Variants in ATG10 observed in about 807,000 individuals in gnomAD.
The protein encoded by ATG10 is ubiquitin-like-conjugating enzyme ATG10.
In ATG10, 30 loss-of-function variants were observed where a neutral mutation model predicts 32.1. The ratio of observed to expected loss-of-function variants is 0.94; its 90% CI spans 0.70 to 1.27. The LOEUF is 1.27. Ranked by LOEUF, ATG10 falls within the 50% of genes most tolerant of loss-of-function variation. The pLI, the probability that ATG10 is intolerant of heterozygous loss-of-function variation, is 0.00. For synonymous variants in ATG10, 87 were observed against 91.5 expected, an observed-to-expected ratio of 0.95 and a Z score of 0.28; for missense variants, 233 against 262.3, an observed-to-expected ratio of 0.89 and a Z score of 0.77.
At chr5:82,136,727 C>G (rs545266121) in intron 3 of ATG10, among the ~76,000 whole-genome samples, 8 of 152,060 alleles carry the variant, frequency 5.3e-5, no homozygotes, top group Non-Finnish European at 1.2e-4. Flanking sequence ...TTGTGATATT[C>G]TCTGAATTTT....
chr5:82,217,481 T>C (rs1363134554), intron 5 of ATG10, among the ~76,000 whole-genome samples: 1 of 152,164 alleles, frequency 6.6e-6, no homozygotes, highest in African/African-American at 2.4e-5. Flanking sequence ...AATGCAATCT[T>C]ATCCCTTATA....
chr5:82,135,437 A>C (rs1029159727), intron 3 of ATG10, among the ~76,000 whole-genome samples: 10 of 152,066 alleles, frequency 6.6e-5, no homozygotes, highest in African/African-American at 2.4e-4. Flanking sequence ...CTTTGTTCTC[A>C]TTGGTTTCAA....
intron 1 of ATG10, among the ~76,000 whole-genome samples, chr5:81,982,221 G>GC (rs2149657843): frequency 6.6e-6 from 1 of 152,266 alleles, no homozygotes; most frequent in African/African-American, 2.4e-5. Context: ...ACTTTGGGAG[G>GC]CCGAGGTGGG....
At chr5:82,209,975 A>G (rs1745435829) in intron 5 of ATG10, among the ~76,000 whole-genome samples, 1 of 152,212 alleles carries the variant, frequency 6.6e-6, no homozygotes. Context: ...ATTGAATTCT[A>G]AATTTGAGAT....
intron 3 of ATG10, among the ~76,000 whole-genome samples, chr5:82,100,266 C>G (rs1381909410): frequency 6.6e-6 from 1 of 152,016 alleles, no homozygotes; most frequent in Non-Finnish European, 1.5e-5. Flanking sequence ...CTCGGCCTCC[C>G]AAAGTGCTGG....
chr5:82,169,997 T>C (rs1743739801), intron 4 of ATG10, among the ~76,000 whole-genome samples: 1 of 152,038 alleles, frequency 6.6e-6, no homozygotes. Context: ...GTTTTGAAAA[T>C]GTACTAAAGG....
chr5:82,174,468 G>T (rs987919447), intron 4 of ATG10, among the ~76,000 whole-genome samples: 4 of 152,222 alleles, frequency 2.6e-5, no homozygotes, highest in Non-Finnish European at 5.9e-5. Flanking sequence ...CTTGTGGCTA[G>T]AAGTTGGAAG....
chr5:82,079,889 G>T (rs60949386), intron 3 of ATG10, among the ~76,000 whole-genome samples: 6,452 of 152,260 alleles, frequency 0.042, 142 homozygotes, highest in Middle Eastern at 0.058. Context: ...CCAGTAATGG[G>T]ATAGCTGGGT....
At chr5:81,974,177 T>G (rs1235863142) in intron 1 of ATG10, among the ~76,000 whole-genome samples, 1 of 152,148 alleles carries the variant, frequency 6.6e-6, no homozygotes, top group East Asian at 1.9e-4. Context: ...CAGGAGGTTG[T>G]GTTTGAATCA....
intron 3 of ATG10, among the ~76,000 whole-genome samples, 162 bp downstream of exon 3, chr5:82,058,764 A>G (rs1451609449): frequency 6.6e-6 from 1 of 152,214 alleles, no homozygotes; most frequent in Admixed American, 6.5e-5. Flanking sequence ...TAAATATTTT[A>G]AAAACTTCAA....
chr5:82,187,559 A>G (rs548764058), intron 5 of ATG10, among the ~76,000 whole-genome samples: 6 of 149,414 alleles, frequency 4.0e-5, no homozygotes, highest in Non-Finnish European at 7.4e-5. Flanking sequence ...CTTTCTCACT[A>G]TCTTTCACTA....
Position 82,058,101 on chromosome 5 carries a change from T to C in ATG10, c.109-394T>C, listed in dbSNP as rs76343453. ...TGAGAAAGAAATTGAAATGGAAGCTTTCTTGCAGCTTCAAGATCTATTTCA... is the reference window on the plus strand; with the variant it reads ...TGAGAAAGAAATTGAAATGGAAGCTCTCTTGCAGCTTCAAGATCTATTTCA... On this transcript the variant is annotated intron_variant, in intron 2 of 7. Coordinates refer to ENST00000282185, the MANE Select transcript of ATG10 (RefSeq NM_031482.5). 3.9e-3 allele frequency among the ~76,000 whole-genome samples: 596 copies of C among 152,318 alleles called. 1 individual carries two copies. The highest frequency in any genetic ancestry group is 6.8e-3 in the Middle Eastern group (2 of 294).
At chr5:82,078,385 AGTG>A (rs1581665578) in intron 3 of ATG10, 4 of 152,192 alleles carry the variant, frequency 2.6e-5, no homozygotes, top group African/African-American at 9.7e-5. Context: ...CTATAGGAAA[AGTG>A]GGGAAAGCTT....
At chr5:82,127,304 T>C (rs1766318579) in intron 3 of ATG10, among the ~76,000 whole-genome samples, 1 of 152,134 alleles carries the variant, frequency 6.6e-6, no homozygotes, top group East Asian at 1.9e-4. Context: ...CTGATCTTAG[T>C]TATTTCTTGT....
intron 3 of ATG10, among the ~76,000 whole-genome samples, chr5:82,124,777 A>G (rs1381349609): frequency 1.3e-5 from 2 of 152,096 alleles, no homozygotes; most frequent in Non-Finnish European, 2.9e-5. Context: ...TTATAGTAGC[A>G]TGATTTATAA....
intron 2 of ATG10, among the ~76,000 whole-genome samples, chr5:82,004,890 A>G (rs1277490741): frequency 6.6e-6 from 1 of 152,236 alleles, no homozygotes. Flanking sequence ...ATTAATTCTC[A>G]AAATGGCACC....
intron 3 of ATG10, among the ~76,000 whole-genome samples, chr5:82,143,241 CT>C (rs1767221557): frequency 6.6e-6 from 1 of 152,226 alleles, no homozygotes. Context: ...TTATCAGGGC[CT>C]TCCTTGTGAG....
At chr5:82,203,534 C>T (rs1002081708) in intron 5 of ATG10, among the ~76,000 whole-genome samples, 6 of 152,078 alleles carry the variant, frequency 3.9e-5, no homozygotes, top group African/African-American at 1.4e-4. Flanking sequence ...GGTGGGTTTA[C>T]TCCATGTTGG....
At chr5:82,113,582 A>G (rs72776875) in intron 3 of ATG10, among the ~76,000 whole-genome samples, 2,323 of 152,140 alleles carry the variant, frequency 0.015, 28 homozygotes, top group Middle Eastern at 0.041. Flanking sequence ...TGGGAGCTGG[A>G]AAGATGCTAG....
Sources: allele counts gnomAD v4.1 joint callset (sites outside exome capture counted in the v4.1 genomes callset), GRCh38; gene constraint gnomAD v4.1.1; transcripts MANE v1.5; gene names NCBI Gene and HGNC (gene_info 2026-07-23, HGNC 2026-07-21).